The following MYEF2 variants were observed in gnomAD, a reference collection of about 807,000 sequenced individuals.
MYEF2 encodes the protein myelin expression factor 2.
In MYEF2, 37 loss-of-function variants were observed where a neutral mutation model predicts 75.2. That is an observed-to-expected ratio of 0.49 (90% confidence interval 0.38 to 0.65). The LOEUF (loss-of-function observed/expected upper bound fraction) is 0.65. Ranked by LOEUF, MYEF2 falls within the 30% of genes least tolerant of loss-of-function variation. MYEF2 has a pLI of 0.00. For missense variants in MYEF2, 634 were observed against 771.4 expected (o/e 0.82, Z 2.11); for synonymous variants, 195 against 241.6 (o/e 0.81, Z 1.79).
chr15:48,160,576 A>G (rs2039902772), intron 5 of MYEF2, among the ~76,000 whole-genome samples: 1 of 151,898 alleles, frequency 6.6e-6, no homozygotes, highest in South Asian at 2.1e-4. Context: ...AACAAAAATA[A>G]ATAAACAAAA....
intron 16 of MYEF2, among the ~76,000 whole-genome samples, chr15:48,147,891 T>C (rs1319030522): frequency 6.6e-6 from 1 of 152,012 alleles, no homozygotes; most frequent in Non-Finnish European, 1.5e-5. Flanking sequence ...AATGAACATC[T>C]ACCCAGAATG....
Position 48,138,991 on chromosome 15 carries a change from G to T in MYEF2, c.*3917C>A. 1 of 1,612,540 alleles carries T rather than the reference G, an allele frequency of 6.2e-7. No individual in the cohort carries two copies. Among genetic ancestry groups the T allele is most frequent in the Non-Finnish European group, 8.5e-7 (1 of 1,179,038 alleles). On this transcript the variant is annotated 3_prime_UTR_variant, in exon 17 of 17. Coordinates refer to ENST00000324324, the MANE Select transcript of MYEF2 (RefSeq NM_016132.5). ...CAGATCCACCAAGTGTTTTCAACAT[G>T]CCTGAAGCAGACTTAAAAAGAATTT...
intron 1 of MYEF2, among the ~76,000 whole-genome samples, chr15:48,172,603 A>T (rs2040382061): frequency 6.6e-6 from 1 of 151,924 alleles, no homozygotes; most frequent in South Asian, 2.1e-4. Flanking sequence ...ACTGACAAAG[A>T]TCAAACTAGA....
At chr15:48,162,862 C>T (rs981337813) in intron 5 of MYEF2, 1 of 152,188 alleles carries the variant, frequency 6.6e-6, no homozygotes, top group Admixed American at 6.5e-5. Flanking sequence ...CGACCAGCCG[C>T]TCCCCATCTC....
intron 13 of MYEF2, 134 bp from the exon 14 acceptor site, chr15:48,151,305 A>G: frequency 9.9e-7 from 1 of 1,011,638 alleles, no homozygotes; most frequent in South Asian, 1.5e-5. Flanking sequence ...TCAAATATGT[A>G]AGATGTTGAA....
intron 11 of MYEF2, 90 bp downstream of exon 11, chr15:48,152,144 T>C: frequency 5.9e-6 from 8 of 1,346,486 alleles, no homozygotes; most frequent in Non-Finnish European, 6.3e-6. Flanking sequence ...CAATAAACCA[T>C]GACTTTTTTT....
chr15:48,160,858 G>C (rs1424234601), intron 5 of MYEF2, among the ~76,000 whole-genome samples: 1 of 104,366 alleles, frequency 9.6e-6, no homozygotes, highest in Non-Finnish European at 2.1e-5. Context: ...TCACTATGAA[G>C]GAATAAAAAG....
intron 2 of MYEF2, 78 bp from the exon 3 acceptor site, chr15:48,167,479 T>G (rs1017163910): frequency 2.2e-6 from 3 of 1,333,712 alleles, no homozygotes; most frequent in South Asian, 1.2e-5. Flanking sequence ...TGCACACCTG[T>G]GCACAACTCT....
In MYEF2 at chr15:48,138,917, A is replaced by C. The variant is rs2038970418; in HGVS notation, c.*3991T>G. 4.4e-6 allele frequency: 6 copies of C among 1,353,870 alleles called. No homozygotes were observed. The highest frequency in any genetic ancestry group is 1.5e-5 in the African/African-American group (1 of 68,388). 83.9% of individuals were successfully genotyped at this position (1,353,870 alleles called of 1,614,324 possible). A position where few individuals can be genotyped will look rare whatever the true frequency, so the allele number is the denominator to read the frequency against. Reference sequence around the variant, plus strand: ...ATAACTTTCTAAATAGGCATTTCTAACTTAATTAGCCATTTGAGAAAACTC... The same window carrying C: ...ATAACTTTCTAAATAGGCATTTCTACCTTAATTAGCCATTTGAGAAAACTC... On this transcript the variant is annotated 3_prime_UTR_variant, in exon 17 of 17. Transcript: ENST00000324324.
In MYEF2 at chr15:48,141,300, C is replaced by A; in HGVS notation, c.*1608G>T. 2 of 1,139,092 alleles carry A rather than the reference C, an allele frequency of 1.8e-6. No homozygotes were observed. Among genetic ancestry groups the A allele is most frequent in the Non-Finnish European group, 2.6e-6 (2 of 779,408 alleles). The allele number at this position is 1,139,092 out of a possible 1,614,324, so 70.6% of individuals were successfully genotyped here. ...AGCTTTAAAAATGTTTACTTCCAGC[C>A]GGGTGTGGTGGCTCGCGCCTGTAAT... is the stretch of plus-strand genomic sequence containing the variant. On this transcript the variant is annotated 3_prime_UTR_variant, in exon 17 of 17. Transcript: ENST00000324324.
rs999614377 is a variant in MYEF2 at position 48,137,006 on chromosome 15, G to T, written c.*5902C>A. ...CCCATTATTAAGTCTATTCGCAAAG[G>T]AAAAACTTTAAAATTTCATTTCAAT... On this transcript the variant is annotated 3_prime_UTR_variant, in exon 17 of 17. Transcript: ENST00000324324. 6.5e-7 allele frequency: 1 copy of T among 1,539,670 alleles called. No individual in the cohort carries two copies. The highest frequency in any genetic ancestry group is 8.7e-7 in the Non-Finnish European group (1 of 1,144,160).
Position 48,149,005 on chromosome 15 carries a change from C to T in MYEF2, c.1639+27G>A. ...AATTTTCCTCCATAATCAATATCAACATATCTGCAGTCATTTGCATACTTA... is the reference window on the plus strand; with the variant it reads ...AATTTTCCTCCATAATCAATATCAATATATCTGCAGTCATTTGCATACTTA... On this transcript the variant is annotated intron_variant, in intron 16 of 16. Coordinates refer to ENST00000324324, the MANE Select transcript of MYEF2 (RefSeq NM_016132.5). The surrounding 1 kb of genome is among the most constrained non-coding windows in gnomAD (Gnocchi z 4.0). 1 of 1,610,510 alleles carries T rather than the reference C, an allele frequency of 6.2e-7. No individual in the cohort carries two copies. Among genetic ancestry groups the T allele is most frequent in the Non-Finnish European group, 8.5e-7 (1 of 1,177,412 alleles).
chr15:48,158,335 C>T (rs1244409284), intron 7 of MYEF2, 111 bp from the exon 8 acceptor site: 8 of 935,254 alleles, frequency 8.6e-6, no homozygotes, highest in Non-Finnish European at 8.1e-6. Flanking sequence ...TAATTAACAT[C>T]TTTAATACTT....
intron 11 of MYEF2, 66 bp from the exon 12 acceptor site, chr15:48,152,008 A>C (rs537084941): frequency 6.6e-7 from 1 of 1,506,974 alleles, no homozygotes; most frequent in South Asian, 1.1e-5. Flanking sequence ...ACGTTTTGTA[A>C]ATGTTAAATC....
intron 16 of MYEF2, among the ~76,000 whole-genome samples, chr15:48,145,288 A>G (rs1218911604): frequency 6.6e-6 from 1 of 151,924 alleles, no homozygotes; most frequent in Non-Finnish European, 1.5e-5. Context: ...TCCTGATCCT[A>G]TAAAAACACC....
intron 7 of MYEF2, 36 bp from the exon 8 acceptor site, chr15:48,158,260 C>T: frequency 6.3e-7 from 1 of 1,595,518 alleles, no homozygotes; most frequent in South Asian, 1.1e-5. Context: ...GTTAAGATAA[C>T]TATAAAATTA....
intron 3 of MYEF2, among the ~76,000 whole-genome samples, chr15:48,167,141 C>A (rs998591699): frequency 2.6e-5 from 4 of 151,954 alleles, no homozygotes; most frequent in African/African-American, 9.7e-5. Flanking sequence ...AAAGTGAATG[C>A]CCCTTTGGAG....
intron 10 of MYEF2, chr15:48,152,745 G>C (rs2039540483): frequency 6.4e-6 from 1 of 155,532 alleles, no homozygotes; most frequent in South Asian, 2.0e-4. Context: ...TATGTATTTA[G>C]GAGAGGGTAG....
chr15:48,157,738 T>C lies in MYEF2; in HGVS notation c.985+255A>G, dbSNP rs868786243. 11 of 1,171,792 alleles carry C rather than the reference T, an allele frequency of 9.4e-6. No homozygotes were observed. The Middle Eastern group carries it at 1.1e-3, about 114-fold the overall frequency. The allele number at this position is 1,171,792 out of a possible 1,614,324, so 72.6% of individuals were successfully genotyped here. ...TACAGAGGACTTTTTTTCCTTCAAG[T>C]GTATAAATTTACCAAACATTTTAGA... On this transcript the variant is annotated intron_variant, in intron 9 of 16. Coordinates refer to ENST00000324324, the MANE Select transcript of MYEF2 (RefSeq NM_016132.5).
Sources: allele counts gnomAD v4.1 joint callset (sites outside exome capture counted in the v4.1 genomes callset), GRCh38; gene constraint gnomAD v4.1.1; non-coding constraint Gnocchi (gnomAD v3.1); transcripts MANE v1.5; gene names NCBI Gene and HGNC (gene_info 2026-07-23, HGNC 2026-07-21).